The following SLC30A8 variants were observed in gnomAD, a reference collection of about 807,000 sequenced individuals.
SLC30A8 encodes the protein proton-coupled zinc antiporter SLC30A8.
In SLC30A8, 27 loss-of-function variants were observed where a neutral mutation model predicts 36.9. The ratio of observed to expected loss-of-function variants is 0.73; its 90% CI spans 0.54 to 1.01. The LOEUF (loss-of-function observed/expected upper bound fraction) is 1.01, where lower values mean the gene tolerates loss of function less well. SLC30A8 is among the 50% of genes least tolerant of loss of function. The pLI is 0.00. For synonymous variants in SLC30A8, 164 were observed against 172.4 expected (o/e 0.95, Z 0.38); for missense variants, 439 against 452.0 (o/e 0.97, Z 0.26).
At chr8:117,166,766 A>ATTTTTTTTTTTTTT (rs71305462) in intron 6 of SLC30A8, among the ~76,000 whole-genome samples, 67 of 128,646 alleles carry the variant, frequency 5.2e-4, no homozygotes, top group South Asian at 1.7e-3. Flanking sequence ...ACATTAGCTG[A>ATTTTTTTTTTTTTT]TTTTTTTTTT....
At chr8:117,061,383 A>C (rs1818020881) in intron 2 of SLC30A8, among the ~76,000 whole-genome samples, 1 of 152,234 alleles carries the variant, frequency 6.6e-6, no homozygotes, top group South Asian at 2.1e-4. Context: ...TTCTCATAGC[A>C]TTCCTATAAC....
At chr8:116,957,664 G>A (rs1456533011) in intron 1 of SLC30A8, among the ~76,000 whole-genome samples, 1 of 152,292 alleles carries the variant, frequency 6.6e-6, no homozygotes. Context: ...CTCAAAACTA[G>A]GGGACTGTCT....
At chr8:117,168,381 A>G (rs1823175105) in intron 6 of SLC30A8, among the ~76,000 whole-genome samples, 2 of 152,150 alleles carry the variant, frequency 1.3e-5, no homozygotes. Flanking sequence ...TTGATTTCAA[A>G]TGCAATTATT....
At chr8:117,154,882 C>G (rs1211811747) in intron 3 of SLC30A8, among the ~76,000 whole-genome samples, 1 of 152,122 alleles carries the variant, frequency 6.6e-6, no homozygotes, top group Non-Finnish European at 1.5e-5. Flanking sequence ...TAATAGAACT[C>G]TCTGCTGCGA....
At chr8:117,144,100 C>T (rs1337792766) in intron 1 of SLC30A8, among the ~76,000 whole-genome samples, 1 of 152,128 alleles carries the variant, frequency 6.6e-6, no homozygotes, top group Non-Finnish European at 1.5e-5. Context: ...ATGCTGTCTT[C>T]TCAGCCCAAG....
intron 2 of SLC30A8, among the ~76,000 whole-genome samples, chr8:117,060,570 A>G (rs1199422034): frequency 6.6e-6 from 1 of 152,202 alleles, no homozygotes; most frequent in Non-Finnish European, 1.5e-5. Context: ...CTGCTAGCTT[A>G]TCAGTGTTCC....
Position 117,172,536 on chromosome 8 carries a change from C to T in SLC30A8, c.965C>T (p.Ala322Val), listed in dbSNP as rs1823434323. 1.2e-6 allele frequency: 2 copies of T among 1,613,616 alleles called. No homozygotes were observed. The highest frequency in any genetic ancestry group is 1.7e-6 in the Non-Finnish European group (2 of 1,179,656). Reference sequence around the variant, plus strand: ...TCTCCCTGTGCTTCTTTATCAACAGCAGCCAGCCGGGACAGCCAAGTGGTT... The same window carrying T: ...TCTCCCTGTGCTTCTTTATCAACAGTAGCCAGCCGGGACAGCCAAGTGGTT... ...QVILSAHVAT[A>V]ASRDSQVVRR... is the part of the protein sequence containing the mutation. Residue 322 changes from alanine (A) to valine (V), a missense_variant and splice_region_variant, in exon 8 of 8, where the codon GCA becomes GTA. Transcript: ENST00000456015.
intron 1 of SLC30A8, among the ~76,000 whole-genome samples, chr8:117,008,852 A>G (rs914064892): frequency 4.6e-5 from 7 of 152,106 alleles, no homozygotes; most frequent in African/African-American, 1.4e-4. Context: ...ATTTCTTCTT[A>G]ACCCTTATCA....
chr8:117,169,344 T>C (rs956225216), intron 6 of SLC30A8, among the ~76,000 whole-genome samples: 15 of 152,168 alleles, frequency 9.9e-5, no homozygotes, highest in Admixed American at 8.5e-4. Flanking sequence ...GTGAGAGTTA[T>C]TTATATCCTG....
intron 2 of SLC30A8, among the ~76,000 whole-genome samples, chr8:117,052,727 C>T (rs931899154): frequency 2.6e-5 from 4 of 152,140 alleles, no homozygotes; most frequent in Non-Finnish European, 4.4e-5. Context: ...CATTTAATCT[C>T]CTGGTGTTAT....
intron 7 of SLC30A8, 52 bp downstream of exon 7, chr8:117,171,220 A>G (rs760155718): frequency 2.5e-6 from 4 of 1,587,038 alleles, no homozygotes; most frequent in Non-Finnish European, 3.5e-6. Flanking sequence ...TGTCCTGTAA[A>G]GTCAGTAATT....
intron 1 of SLC30A8, among the ~76,000 whole-genome samples, chr8:116,979,467 G>C (rs1358420783): frequency 1.3e-5 from 2 of 152,130 alleles, no homozygotes; most frequent in African/African-American, 4.8e-5. Flanking sequence ...ATTCTGCCAA[G>C]GTTAGATAGG....
At chr8:117,171,231 TC>T in intron 7 of SLC30A8, 63 bp downstream of exon 7, 6 of 1,558,622 alleles carry the variant, frequency 3.8e-6, no homozygotes, top group Admixed American at 1.7e-5. Flanking sequence ...GTCAGTAATT[TC>T]CCTTCTTTTT....
intron 1 of SLC30A8, among the ~76,000 whole-genome samples, chr8:117,138,060 C>CAAA (rs60065374): frequency 7.4e-4 from 37 of 49,918 alleles, no homozygotes; most frequent in African/African-American, 2.1e-3. Context: ...TTCATTGTAG[C>CAAA]AAAAAAAAAA....
chr8:117,096,727 C>G (rs1482835756), intron 2 of SLC30A8, among the ~76,000 whole-genome samples: 1 of 152,124 alleles, frequency 6.6e-6, no homozygotes, highest in Non-Finnish European at 1.5e-5. Flanking sequence ...AGTCATCACT[C>G]TTAGGAAGAG....
At position 117,142,959 on chromosome 8, in the gene SLC30A8, A is replaced by ATGTT. The variant is rs778735303; in HGVS notation, c.72-3994_72-3991dup. On this transcript the variant is annotated intron_variant, in intron 1 of 7. Transcript: ENST00000456015. ...AAATATTTAATGATGAATGAATGAA[A>ATGTT]TGTTAGACATTCATGGTGAGGCTGA... Among the ~76,000 whole-genome samples the ATGTT allele has an allele frequency of 4.6e-5, 7 of 152,306 alleles. No individual in the cohort carries two copies. The East Asian group carries it at 1.4e-3, about 29-fold the overall frequency.
intron 2 of SLC30A8, among the ~76,000 whole-genome samples, chr8:117,057,448 A>C (rs1326157898): frequency 6.6e-6 from 1 of 152,106 alleles, no homozygotes; most frequent in African/African-American, 2.4e-5. Flanking sequence ...TAAATTCTTG[A>C]GACCTGTGTT....
In SLC30A8 at chr8:117,157,774, T is replaced by C; in HGVS notation, c.502T>C (p.Tyr168His). Reference protein sequence around the residue: ...LVYLACERLLYPDYQIQATVM... With the variant: ...LVYLACERLLHPDYQIQATVM... Reference sequence around the variant, plus strand: ...GTACCTGGCATGTGAGCGCCTGCTGTATCCTGATTACCAGATCCAGGCGAC... The same window carrying C: ...GTACCTGGCATGTGAGCGCCTGCTGCATCCTGATTACCAGATCCAGGCGAC... The change falls in exon 4 of 8, where the codon TAT becomes CAT. Residue 168 changes from tyrosine to histidine, a missense_variant. Transcript: ENST00000456015. 3 of 1,614,122 alleles carry C rather than the reference T, an allele frequency of 1.9e-6. No homozygotes were observed. Among genetic ancestry groups the C allele is most frequent in the South Asian group, 1.1e-5 (1 of 91,080 alleles).
chr8:116,972,925 T>A (rs556476074), intron 1 of SLC30A8, among the ~76,000 whole-genome samples: 1 of 152,342 alleles, frequency 6.6e-6, no homozygotes, highest in African/African-American at 2.4e-5. Flanking sequence ...TGCTACTGTC[T>A]GAATGTTTTA....
Sources: allele counts gnomAD v4.1 joint callset (sites outside exome capture counted in the v4.1 genomes callset), GRCh38; gene constraint gnomAD v4.1.1; transcripts MANE v1.5; gene names NCBI Gene and HGNC (gene_info 2026-07-23, HGNC 2026-07-21).